CTNNA2: variants seen among roughly 807,000 people sequenced by gnomAD.
CTNNA2 encodes the protein catenin alpha-2.
A neutral mutation model predicts 101.0 loss-of-function variants in CTNNA2; 42 were observed. The ratio of observed to expected loss-of-function variants is 0.42; its 90% confidence interval spans 0.32 to 0.54. The LOEUF (loss-of-function observed/expected upper bound fraction) is 0.54, where lower values mean the gene tolerates loss of function less well. CTNNA2 is among the 20% of genes least tolerant of loss of function. CTNNA2 has a pLI of 0.14. For synonymous variants in CTNNA2, 450 were observed against 456.4 expected (o/e 0.99, Z 0.18); for missense variants, 871 against 1,223.1 (o/e 0.71, Z 4.29).
At chr2:80,444,277 T>C (rs1237532298) in intron 9 of CTNNA2, among the ~76,000 whole-genome samples, 1 of 152,134 alleles carries the variant, frequency 6.6e-6, no homozygotes, top group Non-Finnish European at 1.5e-5. Context: ...AATTAGGCCA[T>C]GAAGAACCAG....
At chr2:80,163,571 G>A (rs1704473535) in intron 7 of CTNNA2, among the ~76,000 whole-genome samples, 1 of 152,054 alleles carries the variant, frequency 6.6e-6, no homozygotes, top group South Asian at 2.1e-4. Context: ...AAGAGAATCT[G>A]TATTCTGCTA....
At chr2:79,797,907 AT>A (rs552642434) in intron 3 of CTNNA2, among the ~76,000 whole-genome samples, 262 of 151,624 alleles carry the variant, frequency 1.7e-3, no homozygotes, top group African/African-American at 3.9e-3. Flanking sequence ...TTATTTCTTA[AT>A]TTTTTTTATA....
At chr2:80,315,132 A>G (rs975672073) in intron 7 of CTNNA2, among the ~76,000 whole-genome samples, 32 of 152,280 alleles carry the variant, frequency 2.1e-4, no homozygotes, top group African/African-American at 7.7e-4. Context: ...CACACCCTAT[A>G]GATTGAAGAA....
chr2:79,570,203 A>G (rs954426873), intron 1 of CTNNA2, among the ~76,000 whole-genome samples: 1 of 152,180 alleles, frequency 6.6e-6, no homozygotes, highest in Non-Finnish European at 1.5e-5. Flanking sequence ...GCTTTCAGGA[A>G]TATAACTTCA....
At chr2:80,039,409 CT>C (rs1452196281) in intron 7 of CTNNA2, among the ~76,000 whole-genome samples, 10 of 152,282 alleles carry the variant, frequency 6.6e-5, no homozygotes, top group Admixed American at 6.5e-4. Context: ...CTACCATTTT[CT>C]TTTTATCAGT....
intron 7 of CTNNA2, among the ~76,000 whole-genome samples, chr2:80,284,015 G>T (rs778519021): frequency 3.3e-5 from 5 of 152,158 alleles, no homozygotes; most frequent in African/African-American, 4.8e-5. Context: ...ATTAGTGTGA[G>T]TAGAATGATC....
intron 1 of CTNNA2, among the ~76,000 whole-genome samples, chr2:79,562,416 A>G (rs926786174): frequency 5.3e-5 from 8 of 152,022 alleles, no homozygotes; most frequent in African/African-American, 1.4e-4. Flanking sequence ...GTAGTTAGGT[A>G]AATTTATTTG....
At chr2:80,093,413 A>T (rs1558800422) in intron 7 of CTNNA2, among the ~76,000 whole-genome samples, 1 of 152,192 alleles carries the variant, frequency 6.6e-6, no homozygotes, top group Non-Finnish European at 1.5e-5. Flanking sequence ...ATTGTTGGAC[A>T]TTTGGGTTGG....
intron 9 of CTNNA2, among the ~76,000 whole-genome samples, chr2:80,420,456 TACCACC>T (rs762720668): frequency 7.2e-5 from 11 of 152,008 alleles, no homozygotes; most frequent in Non-Finnish European, 1.5e-4. Flanking sequence ...CACTTAATCC[TACCACC>T]ACCACCACCA....
At chr2:79,911,639 G>A (rs919999475) in intron 7 of CTNNA2, among the ~76,000 whole-genome samples, 3 of 152,118 alleles carry the variant, frequency 2.0e-5, no homozygotes, top group Non-Finnish European at 2.9e-5. Context: ...GGAATGTTTT[G>A]TGCTTTATTG....
intron 3 of CTNNA2, among the ~76,000 whole-genome samples, chr2:79,766,876 C>T (rs1673202507): frequency 6.6e-6 from 1 of 152,038 alleles, no homozygotes; most frequent in Non-Finnish European, 1.5e-5. Flanking sequence ...CTGCCTCAGC[C>T]TCCCAAGTAG....
chr2:80,035,195 G>A (rs1358769069), intron 7 of CTNNA2, among the ~76,000 whole-genome samples: 1 of 152,122 alleles, frequency 6.6e-6, no homozygotes, highest in Non-Finnish European at 1.5e-5. Context: ...TGTGTAGCAG[G>A]TTGACTTTTG....
At chr2:80,073,262 CTG>C (rs1214011881) in intron 7 of CTNNA2, among the ~76,000 whole-genome samples, 1 of 152,172 alleles carries the variant, frequency 6.6e-6, no homozygotes, top group East Asian at 1.9e-4. Flanking sequence ...TACACACAGG[CTG>C]TGTTAGGCAC....
chr2:80,634,136 C>T (rs1672598713), intron 18 of CTNNA2, among the ~76,000 whole-genome samples: 1 of 151,844 alleles, frequency 6.6e-6, no homozygotes, highest in Non-Finnish European at 1.5e-5. Flanking sequence ...TTATGGAGGA[C>T]TCATATGCTA....
intron 3 of CTNNA2, among the ~76,000 whole-genome samples, chr2:79,334,115 T>G (rs1676937621): frequency 6.6e-6 from 1 of 152,164 alleles, no homozygotes. Context: ...TTTAACTATT[T>G]GAAAATATAC....
intron 7 of CTNNA2, among the ~76,000 whole-genome samples, chr2:80,005,690 G>T (rs892297985): frequency 1.5e-4 from 23 of 151,948 alleles, no homozygotes; most frequent in African/African-American, 5.3e-4. Context: ...ATATTAATAG[G>T]TCAGCTGCAT....
chr2:80,310,898 G>A lies in CTNNA2; in HGVS notation c.1057-82313G>A, dbSNP rs151182999. ...TGAGGCAGGAGAATCACTTGAACCC[G>A]GGAGGCGGATGTTGCAGTGATCTGA... On this transcript the variant is annotated intron_variant, in intron 7 of 18. Transcript: ENST00000402739. Among the ~76,000 whole-genome samples, 952 of 151,348 alleles carry A rather than the reference G, an allele frequency of 6.3e-3. 12 individuals carry two copies. The highest frequency in any genetic ancestry group is 0.022 in the African/African-American group (897 of 41,108).
chr2:79,963,759 G>A (rs1689829387), intron 7 of CTNNA2, among the ~76,000 whole-genome samples: 1 of 152,188 alleles, frequency 6.6e-6, no homozygotes, highest in African/African-American at 2.4e-5. Context: ...TTGTGATTGA[G>A]TCAGTGCTAA....
intron 7 of CTNNA2, among the ~76,000 whole-genome samples, chr2:80,307,592 C>A (rs1438514568): frequency 6.6e-6 from 1 of 152,164 alleles, no homozygotes; most frequent in Non-Finnish European, 1.5e-5. Context: ...GTAGCTATTG[C>A]ATGTACTGGA....
Sources: gnomAD v4.1 joint callset for allele counts (sites outside exome capture counted in the v4.1 genomes callset) on GRCh38, gnomAD v4.1.1 for gene constraint, MANE v1.5 for transcripts, NCBI Gene and HGNC (gene_info 2026-07-23, HGNC 2026-07-21) for gene names.